Variants in UFL1 observed in about 807,000 individuals in gnomAD.
UFL1 encodes the protein UFM1 specific ligase 1.
In UFL1, 78 loss-of-function variants were observed where a neutral mutation model predicts 99.3. The observed-to-expected ratio is 0.79, with a 90% confidence interval of 0.65 to 0.95. UFL1 has a LOEUF of 0.95. UFL1 is among the 40% of genes least tolerant of loss of function. UFL1 has a pLI of 0.00. For synonymous variants in UFL1, 335 were observed against 322.2 expected (o/e 1.04, Z -0.42); for missense variants, 936 against 937.0 (o/e 1.00, Z 0.01).
intron 9 of UFL1, among the ~76,000 whole-genome samples, chr6:96,538,198 A>G (rs796768800): frequency 2.4e-4 from 36 of 151,910 alleles, no homozygotes; most frequent in African/African-American, 8.7e-4. Context: ...GTAGCCAGAC[A>G]AGCTTGCTGT....
At chr6:96,536,439 T>C in intron 8 of UFL1, 49 bp downstream of exon 8, 1 of 1,474,430 alleles carries the variant, frequency 6.8e-7, no homozygotes, top group Non-Finnish European at 9.3e-7. Context: ...AACACTAAAC[T>C]CATTCTTTAA....
chr6:96,555,161 A>G lies in UFL1; in HGVS notation c.*1658A>G, dbSNP rs928168870. On this transcript the variant is annotated 3_prime_UTR_variant, in exon 19 of 19. Coordinates refer to ENST00000369278, the MANE Select transcript of UFL1 (RefSeq NM_015323.5). Reference sequence around the variant, plus strand: ...TATTGTTTTGTAAGTAAAATTACGTAGCTGATTTTGTATGTAAAGATTAAT... The same window carrying G: ...TATTGTTTTGTAAGTAAAATTACGTGGCTGATTTTGTATGTAAAGATTAAT... 1 of 152,242 alleles carries G rather than the reference A, an allele frequency of 6.6e-6. No individual in the cohort carries two copies. The highest frequency in any genetic ancestry group is 1.5e-5 in the Non-Finnish European group (1 of 68,012). The allele number at this position is 152,242 out of a possible 1,614,324, so 9.4% of individuals were successfully genotyped here. A position where few individuals can be genotyped will look rare whatever the true frequency, so the allele number is the denominator to read the frequency against.
At chr6:96,538,592 T>C (rs886266624) in intron 9 of UFL1, 39 bp from the exon 10 acceptor site, 1 of 1,584,828 alleles carries the variant, frequency 6.3e-7, no homozygotes, top group African/African-American at 1.4e-5. Context: ...TGTATTATAT[T>C]GCATTTATAC....
intron 12 of UFL1, among the ~76,000 whole-genome samples, chr6:96,546,275 C>CAAA (rs201825366): frequency 1.9e-5 from 2 of 107,576 alleles, no homozygotes; most frequent in African/African-American, 3.5e-5. Flanking sequence ...TTAATAGCTA[C>CAAA]AAAAAAAAAA....
Position 96,538,747 on chromosome 6 carries a change from T to C in UFL1, c.1095T>C (p.Ser365=). 4.3e-6 allele frequency: 7 copies of C among 1,611,390 alleles called. No homozygotes were observed. Among genetic ancestry groups the C allele is most frequent in the Non-Finnish European group, 5.9e-6 (7 of 1,178,284 alleles). The part of the protein sequence containing the change: ...TVVFSDTVVV[S]EKFINDCTEL... ...TCTTTAGCGACACTGTTGTAGTCAGTGAAAAATTTATAAATGACTGTACAG... is the reference window on the plus strand; with the variant it reads ...TCTTTAGCGACACTGTTGTAGTCAGCGAAAAATTTATAAATGACTGTACAG... The change falls in exon 10 of 19, where the codon AGT becomes AGC. Residue 365 remains serine (S), a synonymous_variant. Coordinates refer to ENST00000369278, the MANE Select transcript of UFL1 (RefSeq NM_015323.5).
rs1770027172 is a variant in UFL1, at chr6:96,548,169, A to T, written c.1408A>T (p.Lys470Ter). 6.3e-7 allele frequency: 1 copy of T among 1,583,196 alleles called. No individual in the cohort carries two copies. ...ATTGCTCATGTCCGATATAGGAAAG[A>T]AGAAGCCAGAGATCAGTTTTATGTT... is the stretch of plus-strand genomic sequence containing the variant. ...DESQSSHTGKKKPEISFMFQD... is the reference protein window; with the variant it reads ...DESQSSHTGK Residue 470 changes from lysine (K) to a stop codon, truncating the protein, a stop_gained, in exon 13 of 19, where the codon AAG becomes TAG. Transcript: ENST00000369278. LOFTEE classifies it high-confidence loss of function.
intron 10 of UFL1, among the ~76,000 whole-genome samples, chr6:96,539,221 G>A (rs1250536377): frequency 6.6e-6 from 1 of 151,538 alleles, no homozygotes; most frequent in African/African-American, 2.4e-5. Flanking sequence ...GGCATACACA[G>A]ACAGGGTAAA....
chr6:96,536,490 G>T, intron 8 of UFL1, 100 bp downstream of exon 8: 1 of 790,296 alleles, frequency 1.3e-6, no homozygotes, highest in East Asian at 3.3e-5. Context: ...TGATCTGTGG[G>T]TTATATTAAA....
At chr6:96,524,562 TAAC>T (rs1449489565) in intron 3 of UFL1, 152 bp downstream of exon 3, 1 of 520,298 alleles carries the variant, frequency 1.9e-6, no homozygotes, top group African/African-American at 2.0e-5. Flanking sequence ...TGAATTGATT[TAAC>T]AAGTTCTGAT....
chr6:96,539,117 T>C (rs1311120582), intron 10 of UFL1, among the ~76,000 whole-genome samples: 1 of 151,678 alleles, frequency 6.6e-6, no homozygotes, highest in East Asian at 1.9e-4. Context: ...CAAAAAACAG[T>C]ATCTGTAGAT....
rs534592395 is a variant in UFL1, at chr6:96,528,538, C to T, written c.502C>T (p.His168Tyr). 1 of 1,613,798 alleles carries T rather than the reference C, an allele frequency of 6.2e-7. No homozygotes were observed. The highest frequency in any genetic ancestry group is 2.2e-5 in the East Asian group (1 of 44,864). The change falls in exon 6 of 19, where the codon CAT (histidine) becomes TAT (tyrosine). Residue 168 changes from histidine (H) to tyrosine (Y), a missense_variant. Transcript: ENST00000369278. The part of the protein sequence containing the change: ...TQRLGRIISG[H>Y]IDLDNRGVIF... Reference sequence around the variant, plus strand: ...GCGACTTGGTAGAATTATCAGTGGACATATTGATCTTGATAATAGAGGAGT... The same window carrying T: ...GCGACTTGGTAGAATTATCAGTGGATATATTGATCTTGATAATAGAGGAGT...
intron 17 of UFL1, 138 bp from the exon 18 acceptor site, chr6:96,552,344 A>G (rs2127953938): frequency 2.3e-6 from 2 of 884,032 alleles, no homozygotes; most frequent in East Asian, 5.6e-5. Flanking sequence ...TGTATATCCC[A>G]TATTGAAAAG....
intron 12 of UFL1, 49 bp from the exon 13 acceptor site, chr6:96,548,115 C>A: frequency 7.9e-7 from 1 of 1,269,772 alleles, no homozygotes; most frequent in Non-Finnish European, 1.1e-6. Context: ...CATTTGGTTG[C>A]ATGTTTTTTA....
intron 15 of UFL1, among the ~76,000 whole-genome samples, chr6:96,550,837 A>G (rs140401364): frequency 6.3e-4 from 96 of 152,130 alleles, no homozygotes; most frequent in African/African-American, 2.1e-3. Context: ...GACAGGAGCA[A>G]CTAGCCCTTA....
At chr6:96,532,654 A>T (rs1381712496) in intron 6 of UFL1, among the ~76,000 whole-genome samples, 1 of 152,154 alleles carries the variant, frequency 6.6e-6, no homozygotes, top group Non-Finnish European at 1.5e-5. Flanking sequence ...TCACTATGTG[A>T]TTTATTTATA....
At chr6:96,524,992 C>G (rs560747104) in intron 3 of UFL1, among the ~76,000 whole-genome samples, 1 of 152,072 alleles carries the variant, frequency 6.6e-6, no homozygotes, top group East Asian at 1.9e-4. Context: ...AGCAATACAC[C>G]TCTAATTTTT....
chr6:96,550,797 G>A (rs767217376), intron 15 of UFL1, among the ~76,000 whole-genome samples: 1 of 151,974 alleles, frequency 6.6e-6, no homozygotes, highest in African/African-American at 2.4e-5. Flanking sequence ...GCCACAGAAG[G>A]ATTGGTGTGG....
At chr6:96,546,054 A>C (rs1429473614) in intron 12 of UFL1, among the ~76,000 whole-genome samples, 1 of 151,234 alleles carries the variant, frequency 6.6e-6, no homozygotes, top group East Asian at 1.9e-4. Flanking sequence ...AAAAGCATCC[A>C]TATTGGAAAA....
At position 96,545,767 on chromosome 6, in the gene UFL1, T is replaced by C. The variant is rs191780847; in HGVS notation, c.1403-2397T>C. On this transcript the variant is annotated intron_variant, in intron 12 of 18. Transcript: ENST00000369278. The stretch of plus-strand genomic sequence containing the variant: ...TCTTTATTATTTTCTGATTGACTTA[T>C]AGAAAATAATCAGTTTTAAATGAAG... Among the ~76,000 whole-genome samples, 30 of 151,340 alleles carry C rather than the reference T, an allele frequency of 2.0e-4. 1 individual carries two copies. The highest frequency in any genetic ancestry group is 1.5e-3 in the Admixed American group (22 of 15,132).
Sources: gnomAD v4.1 joint callset for allele counts (sites outside exome capture counted in the v4.1 genomes callset) on GRCh38, gnomAD v4.1.1 for gene constraint, MANE v1.5 for transcripts, NCBI Gene and HGNC (gene_info 2026-07-23, HGNC 2026-07-21) for gene names.